Variants in COL27A1 observed in about 807,000 individuals in gnomAD.
The protein encoded by COL27A1 is collagen type XXVII alpha 1 chain, also known as collagen alpha-1(XXVII) chain.
A neutral mutation model predicts 251.3 loss-of-function variants in COL27A1; 106 were observed. The observed-to-expected ratio is 0.42, with a 90% confidence interval of 0.36 to 0.50. COL27A1 has a LOEUF of 0.50. Among genes scored for constraint, COL27A1 ranks in the 20% least tolerant of loss-of-function variants. The pLI is 0.00. For synonymous variants in COL27A1, 1,000 were observed against 986.3 expected (o/e 1.01, Z -0.26); for missense variants, 2,325 against 2,522.8 (o/e 0.92, Z 1.68).
intron 56 of COL27A1, among the ~76,000 whole-genome samples, chr9:114,303,821 T>C (rs1464131046): frequency 1.3e-5 from 2 of 152,182 alleles, no homozygotes; most frequent in Non-Finnish European, 2.9e-5. Context: ...CAAAGTTATA[T>C]TAGACTATTA....
intron 27 of COL27A1, among the ~76,000 whole-genome samples, chr9:114,256,621 T>G (rs897013078): frequency 2.6e-5 from 4 of 152,118 alleles, no homozygotes; most frequent in Non-Finnish European, 5.9e-5. Flanking sequence ...AATTCTGACC[T>G]CCTCCTGCCT....
chr9:114,165,465 T>A (rs887493574), intron 2 of COL27A1, among the ~76,000 whole-genome samples: 1 of 149,630 alleles, frequency 6.7e-6, no homozygotes, highest in Non-Finnish European at 1.5e-5. Flanking sequence ...CACCCATCCA[T>A]CCATCTATCT....
intron 7 of COL27A1, among the ~76,000 whole-genome samples, chr9:114,197,917 A>G (rs1829270561): frequency 6.6e-6 from 1 of 152,210 alleles, no homozygotes; most frequent in African/African-American, 2.4e-5. Flanking sequence ...GAGACCCCTG[A>G]CCAGTGGTGG....
upstream of COL27A1, among the ~76,000 whole-genome samples, chr9:114,154,352 C>G (rs1848010333): frequency 6.6e-6 from 1 of 152,214 alleles, no homozygotes; most frequent in African/African-American, 2.4e-5. This position sits in a 1 kb window ranked among gnomAD's most constrained non-coding sequence, Gnocchi z 5.8. Flanking sequence ...GACCGGCCAG[C>G]CTCGCACGTA....
chr9:114,291,364 G>A (rs1240248956), intron 48 of COL27A1, among the ~76,000 whole-genome samples: 2 of 152,200 alleles, frequency 1.3e-5, no homozygotes, highest in South Asian at 4.1e-4. Context: ...CTCTGAGCTC[G>A]AGGTTTAATT....
chr9:114,266,510 A>G (rs1028816549), intron 32 of COL27A1, 55 bp from the exon 33 acceptor site: 2 of 1,524,066 alleles, frequency 1.3e-6, no homozygotes, highest in African/African-American at 2.7e-5. Flanking sequence ...TCCAGATCCC[A>G]AAGAGGGCCC....
intron 2 of COL27A1, among the ~76,000 whole-genome samples, chr9:114,167,370 A>G (rs1419638152): frequency 6.6e-6 from 1 of 152,216 alleles, no homozygotes; most frequent in East Asian, 1.9e-4. Context: ...TAGATGGGAA[A>G]ACTGAGGCAC....
chr9:114,185,035 T>C (rs566923015), intron 5 of COL27A1, among the ~76,000 whole-genome samples: 1 of 152,284 alleles, frequency 6.6e-6, no homozygotes, highest in East Asian at 1.9e-4. Context: ...CTGGCCCTGC[T>C]CAGAGCACTG....
intron 7 of COL27A1, among the ~76,000 whole-genome samples, chr9:114,199,376 T>G (rs77372342): frequency 0.041 from 6,260 of 152,200 alleles, 318 homozygotes; most frequent in African/African-American, 0.12. Flanking sequence ...ACAAAGTCAG[T>G]GTTGAGAAAC....
At chr9:114,156,425 C>A (rs891051782) in intron 1 of COL27A1, among the ~76,000 whole-genome samples, 4 of 151,966 alleles carry the variant, frequency 2.6e-5, no homozygotes, top group African/African-American at 7.2e-5. Flanking sequence ...CTGTACGTCT[C>A]CGTTTCTATC....
chr9:114,182,803 A>C (rs945978342), intron 4 of COL27A1, among the ~76,000 whole-genome samples: 2 of 152,184 alleles, frequency 1.3e-5, no homozygotes, highest in African/African-American at 2.4e-5. Flanking sequence ...GGTTAACAGG[A>C]TCAAATGAGA....
At chr9:114,206,067 C>T (rs555878365) in intron 9 of COL27A1, among the ~76,000 whole-genome samples, 185 bp from the exon 10 acceptor site, 1 of 152,258 alleles carries the variant, frequency 6.6e-6, no homozygotes, top group Admixed American at 6.5e-5. Flanking sequence ...AGTCTCCCTC[C>T]TACCCACCAG....
chr9:114,175,317 T>A (rs113451611), intron 3 of COL27A1, among the ~76,000 whole-genome samples: 8 of 152,296 alleles, frequency 5.3e-5, no homozygotes, highest in African/African-American at 1.9e-4. Flanking sequence ...CACCCCGGCC[T>A]CGTGAATCAT....
At chr9:114,225,813 C>T (rs1831431801) in intron 14 of COL27A1, among the ~76,000 whole-genome samples, 1 of 152,226 alleles carries the variant, frequency 6.6e-6, no homozygotes, top group Non-Finnish European at 1.5e-5. Context: ...TCCCCCGGGT[C>T]CCTGCAGCCG....
chr9:114,284,151 T>C (rs1306377927), intron 40 of COL27A1, among the ~76,000 whole-genome samples: 3 of 152,044 alleles, frequency 2.0e-5, no homozygotes, highest in Admixed American at 6.5e-5. Flanking sequence ...CTCAGAGAGA[T>C]ATGGTGCCTA....
At chr9:114,225,907 C>G (rs573599337) in intron 14 of COL27A1, among the ~76,000 whole-genome samples, 132 of 152,244 alleles carry the variant, frequency 8.7e-4, no homozygotes, top group African/African-American at 3.0e-3. Context: ...GCTGGGGAGG[C>G]CTTGCGAAGC....
At chr9:114,216,162 G>T (rs1830699601) in intron 12 of COL27A1, among the ~76,000 whole-genome samples, 1 of 152,252 alleles carries the variant, frequency 6.6e-6, no homozygotes, top group African/African-American at 2.4e-5. Context: ...CCTTAGCCTT[G>T]TTCTATCTCC....
At chr9:114,291,498 C>G (rs1827914141) in intron 48 of COL27A1, among the ~76,000 whole-genome samples, 1 of 152,148 alleles carries the variant, frequency 6.6e-6, no homozygotes, top group Non-Finnish European at 1.5e-5. Context: ...ACCTGTAATC[C>G]CAGCATTTTG....
intron 8 of COL27A1, among the ~76,000 whole-genome samples, chr9:114,205,453 G>A (rs1438655028): frequency 6.6e-6 from 1 of 152,216 alleles, no homozygotes; most frequent in Non-Finnish European, 1.5e-5. Flanking sequence ...ACCGCCACGG[G>A]GTTTGCAGGA....
Sources: gnomAD v4.1 joint callset for allele counts (sites outside exome capture counted in the v4.1 genomes callset) on GRCh38, gnomAD v4.1.1 for gene constraint, Gnocchi (gnomAD v3.1) non-coding constraint, MANE v1.5 for transcripts, NCBI Gene and HGNC (gene_info 2026-07-23, HGNC 2026-07-21) for gene names.